C1orf21: variants seen among roughly 807,000 people sequenced by gnomAD.
C1orf21 encodes the protein uncharacterized protein C1orf21.
A neutral mutation model predicts 18.7 loss-of-function variants in C1orf21; 3 were observed. The observed-to-expected ratio is 0.16, with a 90% CI of 0.07 to 0.42. The LOEUF (loss-of-function observed/expected upper bound fraction) is 0.42. Ranked by LOEUF, C1orf21 falls within the 10% of genes least tolerant of loss-of-function variation. C1orf21 has a pLI of 0.99. For missense variants in C1orf21, 104 were observed against 143.6 expected, an observed-to-expected ratio of 0.72 and a Z score of 1.41; for synonymous variants, 41 against 46.4, an observed-to-expected ratio of 0.88 and a Z score of 0.47.
At chr1:184,400,275 A>G (rs77894376) in intron 1 of C1orf21, among the ~76,000 whole-genome samples, 3,759 of 152,244 alleles carry the variant, frequency 0.025, 162 homozygotes, top group African/African-American at 0.085. Flanking sequence ...TTTCGAGACC[A>G]CAGTACAGTT....
chr1:184,396,842 CA>C (rs1656057822), intron 1 of C1orf21, among the ~76,000 whole-genome samples: 1 of 152,164 alleles, frequency 6.6e-6, no homozygotes, highest in Admixed American at 6.5e-5. Context: ...CCACCGCCTG[CA>C]ACTGTAGGGT....
intron 3 of C1orf21, chr1:184,568,417 A>G (rs1659064598): frequency 2.1e-6 from 1 of 470,226 alleles, no homozygotes; most frequent in Non-Finnish European, 4.4e-6. Flanking sequence ...CCACCATTCT[A>G]CTTTCTGTCT....
rs1250818262 is a variant in C1orf21 at position 184,598,465 on chromosome 1, A to G, written c.327+4A>G. ...GCTGGATGAAAAAATTGAAAAGGTA[A>G]GAAGTGAAATAAATAACCTACATGT... is the stretch of plus-strand genomic sequence containing the variant. On this transcript the variant is annotated splice_donor_region_variant and intron_variant, in intron 5 of 5. Coordinates refer to ENST00000235307, the MANE Select transcript of C1orf21 (RefSeq NM_030806.4). 4 of 1,611,804 alleles carry G rather than the reference A, an allele frequency of 2.5e-6. No individual in the cohort carries two copies. Among genetic ancestry groups the G allele is most frequent in the Non-Finnish European group, 3.4e-6 (4 of 1,178,418 alleles).
At chr1:184,546,539 T>C (rs1463498852) in intron 3 of C1orf21, among the ~76,000 whole-genome samples, 2 of 152,168 alleles carry the variant, frequency 1.3e-5, no homozygotes, top group African/African-American at 4.8e-5. Context: ...CCCTAATGGA[T>C]CTTACCATCT....
At chr1:184,575,364 G>C (rs761876383) in intron 3 of C1orf21, among the ~76,000 whole-genome samples, 2 of 152,050 alleles carry the variant, frequency 1.3e-5, no homozygotes, top group Non-Finnish European at 2.9e-5. Context: ...GATGACTCTT[G>C]TATTAGTTAA....
At chr1:184,429,841 G>A (rs1656705670) in intron 1 of C1orf21, among the ~76,000 whole-genome samples, 1 of 152,046 alleles carries the variant, frequency 6.6e-6, no homozygotes, top group Non-Finnish European at 1.5e-5. Flanking sequence ...GGGCATGCTG[G>A]CTTACACTTG....
intron 2 of C1orf21, among the ~76,000 whole-genome samples, chr1:184,488,831 A>G (rs1466912010): frequency 6.6e-6 from 1 of 152,124 alleles, no homozygotes; most frequent in Non-Finnish European, 1.5e-5. Context: ...CAGATGTGGC[A>G]GCGTGCGCCT....
intron 3 of C1orf21, among the ~76,000 whole-genome samples, chr1:184,549,553 A>T (rs552674006): frequency 1.3e-5 from 2 of 151,772 alleles, no homozygotes; most frequent in Admixed American, 6.6e-5. Context: ...TCTGGTAAGG[A>T]GATAACATTG....
intron 1 of C1orf21, among the ~76,000 whole-genome samples, chr1:184,410,661 A>ATT (rs1324215272): frequency 1.5e-3 from 9 of 6,144 alleles, no homozygotes; most frequent in Non-Finnish European, 1.9e-3. Context: ...ATATATATAT[A>ATT]TATTTTTTTT....
chr1:184,539,862 T>G (rs1294715383), intron 3 of C1orf21: 1 of 152,158 alleles, frequency 6.6e-6, no homozygotes, highest in Non-Finnish European at 1.5e-5. Context: ...AATTCTACAA[T>G]CTCCATTCTG....
chr1:184,451,977 C>T (rs1399223371), intron 1 of C1orf21, among the ~76,000 whole-genome samples: 2 of 152,152 alleles, frequency 1.3e-5, no homozygotes, highest in Non-Finnish European at 2.9e-5. Context: ...TAAAAGCACT[C>T]CTCAGTCCCC....
chr1:184,461,109 A>G (rs1443452692), intron 1 of C1orf21, among the ~76,000 whole-genome samples: 1 of 152,124 alleles, frequency 6.6e-6, no homozygotes, highest in African/African-American at 2.4e-5. Context: ...AGGACCCCAG[A>G]GCCTCAGCCA....
At position 184,523,456 on chromosome 1, in the gene C1orf21, A is replaced by G. The variant is rs565834346; in HGVS notation, c.189+15774A>G. ...TGACTGGTACTCCTGAAAACTATCA[A>G]GGTCATCAGAAACAAGGAAAATCTG... On this transcript the variant is annotated intron_variant, in intron 3 of 5. Transcript: ENST00000235307. Among the ~76,000 whole-genome samples the G allele has an allele frequency of 3.1e-4, 47 of 152,344 alleles. No homozygotes were observed. In the South Asian group the frequency reaches 9.1e-3, roughly 30 times the overall value.
At chr1:184,529,470 CAT>C (rs1658426652) in intron 3 of C1orf21, among the ~76,000 whole-genome samples, 1 of 152,170 alleles carries the variant, frequency 6.6e-6, no homozygotes, top group Non-Finnish European at 1.5e-5. Context: ...TATTTTGAAA[CAT>C]ATATAGATTC....
At chr1:184,494,700 T>TA (rs1356858447) in intron 2 of C1orf21, among the ~76,000 whole-genome samples, 1 of 152,220 alleles carries the variant, frequency 6.6e-6, no homozygotes, top group Non-Finnish European at 1.5e-5. Flanking sequence ...GCAGAGTTTT[T>TA]ATGTTTTAGA....
intron 3 of C1orf21, among the ~76,000 whole-genome samples, chr1:184,531,699 A>G (rs374163462): frequency 5.9e-5 from 9 of 151,766 alleles, no homozygotes; most frequent in Non-Finnish European, 1.3e-4. Context: ...TGGAGTGTTT[A>G]TCATATGGAA....
intron 3 of C1orf21, among the ~76,000 whole-genome samples, chr1:184,540,593 C>G (rs1422334452): frequency 6.6e-6 from 1 of 152,124 alleles, no homozygotes; most frequent in African/African-American, 2.4e-5. Context: ...CCATGCCCGG[C>G]TAAGGTTTTG....
chr1:184,591,080 A>G (rs1659430140), intron 4 of C1orf21, among the ~76,000 whole-genome samples: 1 of 152,158 alleles, frequency 6.6e-6, no homozygotes, highest in Admixed American at 6.5e-5. Context: ...GGTTATGCAA[A>G]TTCTATACCA....
chr1:184,519,611 A>G (rs987792360), intron 3 of C1orf21, among the ~76,000 whole-genome samples: 1 of 152,174 alleles, frequency 6.6e-6, no homozygotes, highest in Non-Finnish European at 1.5e-5. Context: ...CAGAACAATA[A>G]CACAGTGGTG....
Sources: gnomAD v4.1 joint callset for allele counts (sites outside exome capture counted in the v4.1 genomes callset) on GRCh38, gnomAD v4.1.1 for gene constraint, MANE v1.5 for transcripts, NCBI Gene and HGNC (gene_info 2026-07-23, HGNC 2026-07-21) for gene names.